NF1: variants seen among roughly 807,000 people sequenced by gnomAD.
The protein encoded by NF1 is neurofibromin.
In NF1, 122 loss-of-function variants were observed where a neutral mutation model predicts 325.7. That is an observed-to-expected ratio of 0.37 (90% CI 0.32 to 0.44). The LOEUF (loss-of-function observed/expected upper bound fraction) is 0.44, where lower values mean the gene tolerates loss of function less well. Ranked by LOEUF, NF1 falls within the 20% of genes least tolerant of loss-of-function variation. The pLI, the probability that NF1 is intolerant of heterozygous loss-of-function variation, is 1.00. For synonymous variants in NF1, 1,091 were observed against 1,186.0 expected, an observed-to-expected ratio of 0.92 and a Z score of 1.65; for missense variants, 2,140 against 3,415.4, an observed-to-expected ratio of 0.63 and a Z score of 9.31.
At chr17:31,101,535 T>A (rs1187886590) in intron 1 of NF1, among the ~76,000 whole-genome samples, 4 of 152,216 alleles carry the variant, frequency 2.6e-5, no homozygotes, top group African/African-American at 9.6e-5. Flanking sequence ...CCAAACTCTT[T>A]CCCATTATGC....
chr17:31,096,129 C>T (rs1359254210), intron 1 of NF1, among the ~76,000 whole-genome samples: 1 of 147,800 alleles, frequency 6.8e-6, no homozygotes, highest in Non-Finnish European at 1.5e-5. Context: ...ATTGCAGTCT[C>T]TTCCCCCCCC....
chr17:31,368,626 A>G (rs889338237), intron 57 of NF1, among the ~76,000 whole-genome samples: 6 of 152,256 alleles, frequency 3.9e-5, no homozygotes, highest in African/African-American at 1.4e-4. Flanking sequence ...CTAGCATAAA[A>G]TTAAAGTCCT....
intron 1 of NF1, among the ~76,000 whole-genome samples, chr17:31,130,979 C>T (rs185653376): frequency 8.3e-4 from 127 of 152,106 alleles, no homozygotes; most frequent in Non-Finnish European, 1.3e-3. Flanking sequence ...GGTATGTGGC[C>T]CCCCCCGGCA....
chr17:31,135,381 C>T (rs1915690483), intron 1 of NF1, among the ~76,000 whole-genome samples: 1 of 152,052 alleles, frequency 6.6e-6, no homozygotes, highest in Non-Finnish European at 1.5e-5. Context: ...AGATCTTTTT[C>T]CATTTCTTAA....
intron 36 of NF1, among the ~76,000 whole-genome samples, chr17:31,313,176 A>C (rs2151519415): frequency 6.6e-6 from 1 of 152,284 alleles, no homozygotes; most frequent in East Asian, 1.9e-4. Flanking sequence ...TTCTTTCTAA[A>C]TTAAGTGAAA....
At chr17:31,331,904 T>TAAAAAAAAAAAAAAAAAAAAAAAAAAA (rs755592420) in intron 39 of NF1, 2 of 42,882 alleles carry the variant, frequency 4.7e-5, no homozygotes, top group African/African-American at 2.6e-4. Context: ...CCTTCTCTAT[T>TAAAAAAAAAAAAAAAAAAAAAAAAAAA]AAAAAAAAAA....
chr17:31,359,329 A>T (rs1032102600), intron 56 of NF1: 6 of 353,334 alleles, frequency 1.7e-5, no homozygotes, highest in African/African-American at 6.3e-5. Context: ...ACACAGTTAG[A>T]TATCTTATGA....
intron 31 of NF1, chr17:31,253,547 A>G (rs1597739283): frequency 6.5e-6 from 1 of 152,952 alleles, no homozygotes. Flanking sequence ...AGAAATTTTA[A>G]TGGTAAAACT....
At chr17:31,290,431 C>G (rs1290051369) in intron 36 of NF1, among the ~76,000 whole-genome samples, 1 of 152,106 alleles carries the variant, frequency 6.6e-6, no homozygotes, top group East Asian at 1.9e-4. Flanking sequence ...CTTTCCACAG[C>G]TAACAATGTT....
intron 36 of NF1, among the ~76,000 whole-genome samples, chr17:31,325,509 G>T (rs1394276919): frequency 6.6e-6 from 1 of 152,138 alleles, no homozygotes. Flanking sequence ...CAGACTATTC[G>T]CCTAAGGAGT....
intron 1 of NF1, among the ~76,000 whole-genome samples, chr17:31,141,203 A>T (rs773391944): frequency 1.1e-4 from 16 of 151,834 alleles, no homozygotes; most frequent in Non-Finnish European, 1.9e-4. Context: ...TCATATACAC[A>T]GATTTTTTTT....
chr17:31,336,604 T>C lies in NF1; in HGVS notation c.6148-31T>C. 6.5e-7 allele frequency: 1 copy of C among 1,537,094 alleles called. No individual in the cohort carries two copies. Among genetic ancestry groups the C allele is most frequent in the Non-Finnish European group, 8.7e-7 (1 of 1,151,792 alleles). On this transcript the variant is annotated intron_variant, in intron 41 of 57. Coordinates refer to ENST00000358273, the MANE Select transcript of NF1 (RefSeq NM_001042492.3). The surrounding 1 kb of genome is among the most constrained non-coding windows in gnomAD (Gnocchi z 5.5). Reference sequence around the variant, plus strand: ...AAAACTTTGAGTCCCATGTTTTTTTTTTTAAAAAAAAAAATCCTGCTTCTT... The same window carrying C: ...AAAACTTTGAGTCCCATGTTTTTTTCTTTAAAAAAAAAAATCCTGCTTCTT...
chr17:31,220,262 A>T (rs1229764012), intron 14 of NF1, among the ~76,000 whole-genome samples: 2 of 152,178 alleles, frequency 1.3e-5, no homozygotes, highest in Non-Finnish European at 2.9e-5. Flanking sequence ...AAATGTTTAT[A>T]CATACCCAGT....
chr17:31,162,437 C>G (rs2065779404), intron 3 of NF1, among the ~76,000 whole-genome samples: 1 of 152,088 alleles, frequency 6.6e-6, no homozygotes, highest in African/African-American at 2.4e-5. Context: ...AGATTGCGCC[C>G]TTGCATAGAA....
chr17:31,273,874 A>C (rs544890222), intron 36 of NF1, among the ~76,000 whole-genome samples: 28 of 152,208 alleles, frequency 1.8e-4, no homozygotes, highest in Non-Finnish European at 3.4e-4. Context: ...GTATACATTA[A>C]TGAATTGCTT....
intron 57 of NF1, chr17:31,361,269 A>G (rs1425941812): frequency 6.5e-6 from 1 of 153,418 alleles, no homozygotes; most frequent in East Asian, 1.9e-4. Flanking sequence ...ATAAGCATAT[A>G]TATACCAATT....
chr17:31,307,651 A>G (rs2068760053), intron 36 of NF1, among the ~76,000 whole-genome samples: 1 of 152,304 alleles, frequency 6.6e-6, no homozygotes, highest in Admixed American at 6.5e-5. Context: ...CCTTTCCTCT[A>G]AAGTGAAGAG....
chr17:31,363,021 G>A (rs2070432647), intron 57 of NF1, among the ~76,000 whole-genome samples: 1 of 152,104 alleles, frequency 6.6e-6, no homozygotes. Context: ...CAAACTAATG[G>A]TGTCACCTCC....
chr17:31,301,393 G>A (rs2068570566), intron 36 of NF1, among the ~76,000 whole-genome samples: 3 of 151,996 alleles, frequency 2.0e-5, no homozygotes, highest in Non-Finnish European at 4.4e-5. Flanking sequence ...TTGTTCCAAT[G>A]CTTGTTTCCA....
Sources: allele counts gnomAD v4.1 joint callset (sites outside exome capture counted in the v4.1 genomes callset), GRCh38; gene constraint gnomAD v4.1.1; non-coding constraint Gnocchi (gnomAD v3.1); transcripts MANE v1.5; gene names NCBI Gene and HGNC (gene_info 2026-07-23, HGNC 2026-07-21).